The following VPS13B variants were observed in gnomAD, a reference collection of about 807,000 sequenced individuals.
The protein encoded by VPS13B is vacuolar protein sorting 13 homolog B, also known as intermembrane lipid transfer protein VPS13B.
In VPS13B, 285 loss-of-function variants were observed where a neutral mutation model predicts 426.4. The ratio of observed to expected loss-of-function variants is 0.67; its 90% confidence interval spans 0.61 to 0.74. The LOEUF is 0.74. VPS13B is among the 30% of genes least tolerant of loss of function. The pLI is 0.00. For missense variants in VPS13B, 4,537 were observed against 4,782.6 expected (o/e 0.95, Z 1.51); for synonymous variants, 1,676 against 1,676.4 (o/e 1.00, Z 0.01).
At chr8:99,804,391 A>T (rs1342387974) in intron 43 of VPS13B, 1 of 152,224 alleles carries the variant, frequency 6.6e-6, no homozygotes, top group South Asian at 2.1e-4. Flanking sequence ...GGGTGACCAC[A>T]TTCACCAGGA....
chr8:99,385,832 A>G (rs1167099960), intron 20 of VPS13B, among the ~76,000 whole-genome samples: 1 of 152,188 alleles, frequency 6.6e-6, no homozygotes, highest in Non-Finnish European at 1.5e-5. Context: ...GAACTGTTTG[A>G]GCAAAGGCAA....
intron 17 of VPS13B, among the ~76,000 whole-genome samples, chr8:99,235,091 G>A (rs975305708): frequency 6.6e-6 from 1 of 151,430 alleles, no homozygotes; most frequent in Non-Finnish European, 1.5e-5. Flanking sequence ...TTTAATTAAT[G>A]AATTGTTGGT....
intron 21 of VPS13B, among the ~76,000 whole-genome samples, chr8:99,398,402 G>A (rs1156939669): frequency 6.6e-6 from 1 of 152,204 alleles, no homozygotes; most frequent in Non-Finnish European, 1.5e-5. Context: ...TGCATGACAT[G>A]CTGTAGAATC....
intron 33 of VPS13B, among the ~76,000 whole-genome samples, chr8:99,591,498 C>T (rs1826672597): frequency 6.6e-6 from 1 of 152,006 alleles, no homozygotes; most frequent in Non-Finnish European, 1.5e-5. Flanking sequence ...ACCAGTTGTT[C>T]CTTTCCATGT....
At chr8:99,663,725 A>G in intron 35 of VPS13B, among the ~76,000 whole-genome samples, 1 of 152,210 alleles carries the variant, frequency 6.6e-6, no homozygotes, top group Non-Finnish European at 1.5e-5. Flanking sequence ...AGTTCATGGA[A>G]GAGTGACAGG....
intron 2 of VPS13B, among the ~76,000 whole-genome samples, chr8:99,014,540 A>G (rs1365658116): frequency 2.6e-5 from 4 of 151,880 alleles, no homozygotes; most frequent in Non-Finnish European, 4.4e-5. Context: ...TACTTACTCA[A>G]TTTTCAAGCA....
intron 30 of VPS13B, among the ~76,000 whole-genome samples, chr8:99,523,731 G>C (rs1289582047): frequency 2.0e-5 from 3 of 152,124 alleles, no homozygotes; most frequent in Non-Finnish European, 4.4e-5. Context: ...CAACACCCAA[G>C]CTTCTTCAAA....
chr8:99,064,024 A>G (rs1236955582), intron 3 of VPS13B, among the ~76,000 whole-genome samples: 1 of 152,144 alleles, frequency 6.6e-6, no homozygotes, highest in African/African-American at 2.4e-5. Context: ...AGAAGGAAAA[A>G]GAAGGAAAAC....
At chr8:99,512,278 A>G (rs1821831646) in intron 29 of VPS13B, among the ~76,000 whole-genome samples, 1 of 152,250 alleles carries the variant, frequency 6.6e-6, no homozygotes, top group Non-Finnish European at 1.5e-5. Flanking sequence ...TAGTTTGTAG[A>G]AACACATGAA....
chr8:99,453,897 A>G (rs572748234), intron 23 of VPS13B, among the ~76,000 whole-genome samples: 1 of 152,298 alleles, frequency 6.6e-6, no homozygotes, highest in African/African-American at 2.4e-5. Flanking sequence ...GCAGTTTACT[A>G]GAGGACTCAC....
At chr8:99,642,706 C>G (rs1317112044) in intron 34 of VPS13B, among the ~76,000 whole-genome samples, 1 of 152,190 alleles carries the variant, frequency 6.6e-6, no homozygotes, top group Admixed American at 6.5e-5. Flanking sequence ...TACTATGCCT[C>G]TGAATATTCA....
intron 19 of VPS13B, among the ~76,000 whole-genome samples, chr8:99,336,430 T>A (rs1245114649): frequency 6.6e-6 from 1 of 152,030 alleles, no homozygotes; most frequent in African/African-American, 2.4e-5. Flanking sequence ...AACCTAGGCA[T>A]TACCATTCAG....
intron 17 of VPS13B, among the ~76,000 whole-genome samples, chr8:99,195,037 G>A (rs1165046453): frequency 6.6e-6 from 1 of 152,066 alleles, no homozygotes; most frequent in East Asian, 1.9e-4. Flanking sequence ...AGTAGAGACG[G>A]AGTTTCACCA....
chr8:99,221,199 T>G (rs1159445902), intron 17 of VPS13B, among the ~76,000 whole-genome samples: 2 of 140,108 alleles, frequency 1.4e-5, no homozygotes, highest in Non-Finnish European at 3.1e-5. Context: ...TGTTGGACAT[T>G]TGGGTTGGTT....
At chr8:99,391,779 A>C in intron 21 of VPS13B, 75 bp downstream of exon 21, 26 of 1,547,518 alleles carry the variant, frequency 1.7e-5, no homozygotes, top group East Asian at 2.3e-5. Context: ...CCACAATTTC[A>C]TGGATGCTGG....
chr8:99,373,757 A>G (rs1166235795), intron 19 of VPS13B, among the ~76,000 whole-genome samples: 1 of 152,140 alleles, frequency 6.6e-6, no homozygotes, highest in African/African-American at 2.4e-5. Flanking sequence ...TGGGAGGATC[A>G]CTTGAAGATG....
intron 35 of VPS13B, among the ~76,000 whole-genome samples, chr8:99,668,552 T>C (rs767050769): frequency 1.3e-5 from 2 of 152,080 alleles, no homozygotes; most frequent in Non-Finnish European, 2.9e-5. Context: ...TTTAGAAAAA[T>C]AATGTAGAGT....
intron 17 of VPS13B, among the ~76,000 whole-genome samples, chr8:99,194,030 AT>A (rs757471572): frequency 3.2e-4 from 48 of 152,164 alleles, no homozygotes; most frequent in Non-Finnish European, 5.7e-4. Context: ...ATTTTTAATA[AT>A]TTTGTGTGAC....
chr8:99,851,029 T>C (rs545671219), intron 55 of VPS13B, among the ~76,000 whole-genome samples: 105 of 152,366 alleles, frequency 6.9e-4, no homozygotes, highest in Admixed American at 1.2e-3. Flanking sequence ...TTATAATATT[T>C]CAAACAATGT....
Sources: allele counts gnomAD v4.1 joint callset (sites outside exome capture counted in the v4.1 genomes callset), GRCh38; gene constraint gnomAD v4.1.1; transcripts MANE v1.5; gene names NCBI Gene and HGNC (gene_info 2026-07-23, HGNC 2026-07-21).